MYO7A: variants seen among roughly 807,000 people sequenced by gnomAD.
MYO7A encodes the protein myosin VIIA, also known as unconventional myosin-VIIa.
In MYO7A, 210 loss-of-function variants were observed where a neutral mutation model predicts 263.8. That is an observed-to-expected ratio of 0.80 (90% CI 0.71 to 0.89). The LOEUF (loss-of-function observed/expected upper bound fraction) is 0.89. MYO7A is among the 40% of genes least tolerant of loss of function. The pLI, the probability that MYO7A is intolerant of heterozygous loss-of-function variation, is 0.00. For synonymous variants in MYO7A, 1,239 were observed against 1,197.3 expected, an observed-to-expected ratio of 1.03 and a Z score of -0.72; for missense variants, 2,820 against 2,968.3, an observed-to-expected ratio of 0.95 and a Z score of 1.16.
At chr11:77,166,595 G>GC in intron 15 of MYO7A, among the ~76,000 whole-genome samples, 1 of 152,314 alleles carries the variant, frequency 6.6e-6, no homozygotes, top group Non-Finnish European at 1.5e-5. Context: ...TGGGAGAACA[G>GC]CCCCCTCCGC....
chr11:77,173,701 GC>G (rs1315830118), intron 16 of MYO7A, among the ~76,000 whole-genome samples: 6 of 152,244 alleles, frequency 3.9e-5, no homozygotes, highest in Non-Finnish European at 8.8e-5. Flanking sequence ...GGGGAAAGTG[GC>G]CCGGAGAGAG....
At chr11:77,173,650 G>C (rs1297804965) in intron 16 of MYO7A, among the ~76,000 whole-genome samples, 1 of 152,266 alleles carries the variant, frequency 6.6e-6, no homozygotes, top group South Asian at 2.1e-4. Context: ...GAGGCACAGG[G>C]GGAAGCTGGG....
Position 77,183,144 on chromosome 11 carries a change from A to G in MYO7A, c.3362A>G (p.Lys1121Arg). ...LVHLTLKKKS[K>R]LTEEVTKRLH... Reference sequence around the variant, plus strand: ...CATTTGACTCTGAAAAAGAAGTCCAAGCTCACAGAGGAGGTGAGGGCAGAC... The same window carrying G: ...CATTTGACTCTGAAAAAGAAGTCCAGGCTCACAGAGGAGGTGAGGGCAGAC... Residue 1121 changes from lysine to arginine, a missense_variant, in exon 26 of 49, where the codon AAG (lysine) becomes AGG (arginine). Transcript: ENST00000409709. The G allele has an allele frequency of 6.4e-7, 1 of 1,552,092 alleles. No individual in the cohort carries two copies. Among genetic ancestry groups the G allele is most frequent in the Non-Finnish European group, 8.7e-7 (1 of 1,147,596 alleles).
Position 77,175,577 on chromosome 11 carries a change from C to T in MYO7A, c.2187+113C>T, listed in dbSNP as rs542741458. On this transcript the variant is annotated intron_variant, in intron 18 of 48. Transcript: ENST00000409709. Reference sequence around the variant, plus strand: ...GCTGGGGCTTTGAGATCCTTTCTGCCGGGCTGTGGTGTGGCTGGAGGAGCA... The same window carrying T: ...GCTGGGGCTTTGAGATCCTTTCTGCTGGGCTGTGGTGTGGCTGGAGGAGCA... The T allele has an allele frequency of 7.7e-5, 79 of 1,024,404 alleles. No individual in the cohort carries two copies. In the Admixed American group the frequency reaches 1.1e-3, roughly 14 times the overall value. The allele number at this position is 1,024,404 out of a possible 1,614,324, so 63.5% of individuals were successfully genotyped here.
Position 77,212,958 on chromosome 11 carries a change from A to G in MYO7A, c.6361A>G (p.Thr2121Ala), listed in dbSNP as rs1170820892. The G allele has an allele frequency of 1.9e-6, 3 of 1,592,826 alleles. No individual in the cohort carries two copies. The highest frequency in any genetic ancestry group is 2.3e-5 in the South Asian group (2 of 87,044). ...GSAFFEVKQT[T>A]EPNFPEILLI... The stretch of plus-strand genomic sequence containing the variant: ...TTCTCATCTTTTTTTCTAGCAAACT[A>G]CGGAGCCAAACTTCCCTGAGATCCT... Residue 2121 changes from threonine (T) to alanine (A), a missense_variant, in exon 47 of 49, where the codon ACG becomes GCG. Thr to Ala is a moderately conservative substitution (Grantham distance 58, BLOSUM62 0). Coordinates refer to ENST00000409709, the MANE Select transcript of MYO7A (RefSeq NM_000260.4).
At chr11:77,205,840 C>T (rs911786924) in intron 40 of MYO7A, among the ~76,000 whole-genome samples, 5 of 152,142 alleles carry the variant, frequency 3.3e-5, no homozygotes, top group South Asian at 4.1e-4. Context: ...CCCAGGCTAT[C>T]GGGTGGGCAC....
At chr11:77,196,774 T>C (rs7933106) in intron 32 of MYO7A, among the ~76,000 whole-genome samples, 88,667 of 151,892 alleles carry the variant, frequency 0.58, 26,333 homozygotes, top group African/African-American at 0.68. Context: ...GGCATACACA[T>C]CCACCCTTAC....
chr11:77,133,771 CTA>C (rs1364064235), intron 2 of MYO7A, among the ~76,000 whole-genome samples: 2 of 152,140 alleles, frequency 1.3e-5, no homozygotes, highest in Admixed American at 6.5e-5. Context: ...TGCCATTTTG[CTA>C]TGTTTTCTGT....
At chr11:77,171,914 T>A (rs1954126524) in intron 15 of MYO7A, among the ~76,000 whole-genome samples, 1 of 152,208 alleles carries the variant, frequency 6.6e-6, no homozygotes, top group African/African-American at 2.4e-5. Context: ...CGCAGGGGGC[T>A]CGCTGGCTGC....
chr11:77,210,817 T>G, intron 44 of MYO7A: 1 of 213,738 alleles, frequency 4.7e-6, no homozygotes, highest in Non-Finnish European at 9.3e-6. Context: ...GTGAGGGGTA[T>G]GGAACAGTCT....
intron 27 of MYO7A, 128 bp from the exon 28 acceptor site, chr11:77,189,216 C>T (rs1432017923): frequency 3.7e-6 from 5 of 1,359,948 alleles, no homozygotes; most frequent in Non-Finnish European, 4.0e-6. Context: ...CACTCTGCCT[C>T]CTCCCGGGTG....
chr11:77,163,813 A>G (rs1555070752), intron 14 of MYO7A, among the ~76,000 whole-genome samples: 1 of 102,876 alleles, frequency 9.7e-6, no homozygotes, highest in Non-Finnish European at 1.9e-5. Context: ...TTGTTTATCC[A>G]TTTATCTGCT....
rs764210381 is a variant in MYO7A, at chr11:77,192,029, CCCCTCCCCTCTGTG to C, written c.3925-18_3925-5del. The C allele has an allele frequency of 3.1e-6, 5 of 1,599,972 alleles. No individual in the cohort carries two copies. The highest frequency in any genetic ancestry group is 4.3e-6 in the Non-Finnish European group (5 of 1,170,800). On this transcript the variant is annotated splice_region_variant and splice_polypyrimidine_tract_variant and intron_variant, in intron 30 of 48. Transcript: ENST00000409709. ...GTCCTTCCCTGACTCTGTGCCTGCT[CCCCTCCCCTCTGTG>C]CCCACAGGTGTCCTCCCTGGGCAGC...
intron 39 of MYO7A, among the ~76,000 whole-genome samples, chr11:77,204,723 G>C (rs1225675403): frequency 6.6e-6 from 1 of 152,194 alleles, no homozygotes; most frequent in African/African-American, 2.4e-5. Flanking sequence ...TCCTCTCAGA[G>C]TCTGAGAGAA....
intron 44 of MYO7A, among the ~76,000 whole-genome samples, chr11:77,210,388 TTAGG>T (rs1303262288): frequency 2.0e-5 from 3 of 151,792 alleles, no homozygotes; most frequent in African/African-American, 7.3e-5. Context: ...AATTGGTGAG[TTAGG>T]TAGGTGAGTG....
chr11:77,194,614 C>T, intron 32 of MYO7A, 90 bp downstream of exon 32: 1 of 1,382,124 alleles, frequency 7.2e-7, no homozygotes, highest in Non-Finnish European at 9.6e-7. Flanking sequence ...TCTGTTGGGG[C>T]TGCGGGGGAT....
At chr11:77,148,049 C>G in intron 4 of MYO7A, 99 bp downstream of exon 4, 1 of 1,127,570 alleles carries the variant, frequency 8.9e-7, no homozygotes, top group Non-Finnish European at 1.2e-6. Context: ...CCCGCCCTGC[C>G]GGGGCCCTGC....
chr11:77,152,101 C>T (rs148499576), intron 4 of MYO7A, among the ~76,000 whole-genome samples: 4 of 152,380 alleles, frequency 2.6e-5, no homozygotes, highest in Non-Finnish European at 5.9e-5. Context: ...CTGAGCCCAA[C>T]AGGGCTTGCT....
chr11:77,202,557 G>A (rs1591472246), intron 37 of MYO7A, 133 bp downstream of exon 37: 2 of 1,235,702 alleles, frequency 1.6e-6, no homozygotes, highest in Admixed American at 5.4e-5. Context: ...GGGAGCTGGA[G>A]GGCTGTTTCT....
Sources: allele counts gnomAD v4.1 joint callset (sites outside exome capture counted in the v4.1 genomes callset), GRCh38; gene constraint gnomAD v4.1.1; transcripts MANE v1.5; gene names NCBI Gene and HGNC (gene_info 2026-07-23, HGNC 2026-07-21).